Variants in STARD13 observed in about 807,000 individuals in gnomAD.
STARD13 encodes stAR-related lipid transfer protein 13.
In STARD13, 62 loss-of-function variants were observed where a neutral mutation model predicts 106.4. That is an observed-to-expected ratio of 0.58 (90% CI 0.48 to 0.72). STARD13 has a LOEUF of 0.72. Ranked by LOEUF, STARD13 falls within the 30% of genes least tolerant of loss-of-function variation. The pLI is 0.00. For missense variants in STARD13, 1,387 were observed against 1,424.0 expected (o/e 0.97, Z 0.42); for synonymous variants, 565 against 553.0 (o/e 1.02, Z -0.31).
intron 1 of STARD13, among the ~76,000 whole-genome samples, chr13:33,254,136 T>C (rs1486478995): frequency 1.3e-5 from 2 of 152,238 alleles, no homozygotes; most frequent in South Asian, 2.1e-4. Flanking sequence ...AGTGGGCTGG[T>C]TGGTCCCCAG....
the STARD13 span, among the ~76,000 whole-genome samples, chr13:33,616,562 G>A: frequency 3.3e-5 from 5 of 152,190 alleles, no homozygotes; most frequent in African/African-American, 7.2e-5. Flanking sequence ...CAGCCATGGT[G>A]GGGACAAGGC....
At chr13:33,447,626 A>G in the STARD13 span, among the ~76,000 whole-genome samples, 1 of 152,210 alleles carries the variant, frequency 6.6e-6, no homozygotes, top group African/African-American at 2.4e-5. Context: ...CATATGTCAT[A>G]TGACTTTTCA....
At position 33,331,581 on chromosome 13, in the gene STARD13, G is replaced by T. The variant is rs954444225; in HGVS notation, c.124+18709C>A. On this transcript the variant is annotated intron_variant, in intron 1 of 5. Transcript: ENST00000567873. ...AGGTTTCGCCATGTTGGTCAGGCTA[G>T]TCTCGAACTCCTGACCTTAGGTGGT... 1.6e-4 allele frequency among the ~76,000 whole-genome samples: 23 copies of T among 144,460 alleles called. 1 individual carries two copies. The highest frequency in any genetic ancestry group is 5.6e-4 in the African/African-American group (22 of 38,958). 94.8% of individuals were successfully genotyped at this position (144,460 alleles called of 152,430 possible). A position where few individuals can be genotyped will look rare whatever the true frequency, so the allele number is the denominator to read the frequency against.
the STARD13 span, among the ~76,000 whole-genome samples, chr13:33,542,450 A>T: frequency 6.6e-6 from 1 of 152,226 alleles, no homozygotes; most frequent in Admixed American, 6.5e-5. Context: ...AAAACCCATT[A>T]CGCCACCATT....
chr13:33,496,048 T>C, the STARD13 span, among the ~76,000 whole-genome samples: 1 of 141,746 alleles, frequency 7.1e-6, no homozygotes, highest in East Asian at 2.0e-4. Context: ...TTATGTATAG[T>C]TAATATAATT....
At chr13:33,527,949 C>T in the STARD13 span, among the ~76,000 whole-genome samples, 5,035 of 150,868 alleles carry the variant, frequency 0.033, 115 homozygotes, top group Non-Finnish European at 0.054. Flanking sequence ...TATCCAAAAG[C>T]CATAAGTAAT....
At chr13:33,369,804 C>A in the STARD13 span, among the ~76,000 whole-genome samples, 1 of 152,034 alleles carries the variant, frequency 6.6e-6, no homozygotes, top group Non-Finnish European at 1.5e-5. Context: ...AGAAAATCAC[C>A]GGGCTTGGCT....
the STARD13 span, among the ~76,000 whole-genome samples, chr13:33,403,366 A>G: frequency 6.6e-6 from 1 of 152,222 alleles, no homozygotes; most frequent in Non-Finnish European, 1.5e-5. Context: ...CTTAGGAACG[A>G]TTGTGTGGAG....
chr13:33,369,062 TAAAC>T, the STARD13 span, among the ~76,000 whole-genome samples: 6 of 146,530 alleles, frequency 4.1e-5, no homozygotes, highest in Non-Finnish European at 9.1e-5. Context: ...GAATTTCAAC[TAAAC>T]AAACAAATAA....
At chr13:33,278,171 G>A (rs927696459) in intron 1 of STARD13, among the ~76,000 whole-genome samples, 3 of 149,982 alleles carry the variant, frequency 2.0e-5, no homozygotes, top group African/African-American at 7.3e-5. Context: ...AAATATACCA[G>A]TTTAAACACA....
intron 1 of STARD13, among the ~76,000 whole-genome samples, chr13:33,177,090 G>C (rs562382992): frequency 1.3e-5 from 2 of 152,144 alleles, no homozygotes; most frequent in Non-Finnish European, 2.9e-5. Flanking sequence ...GGTCCAGGTG[G>C]CTACCTTGTC....
chr13:33,372,403 A>G, the STARD13 span, among the ~76,000 whole-genome samples: 2 of 152,042 alleles, frequency 1.3e-5, no homozygotes, highest in Non-Finnish European at 2.9e-5. Context: ...AATGTTTTGT[A>G]CCAAAAAATA....
the STARD13 span, among the ~76,000 whole-genome samples, chr13:33,662,392 A>G: frequency 9.1e-3 from 1,392 of 152,340 alleles, 23 homozygotes; most frequent in African/African-American, 0.032. Context: ...TTGTATAAAA[A>G]TGAAGTAAAA....
chr13:33,393,993 A>C, the STARD13 span, among the ~76,000 whole-genome samples: 72 of 152,364 alleles, frequency 4.7e-4, no homozygotes, highest in Middle Eastern at 3.4e-3. Flanking sequence ...CTCTCCTTGA[A>C]GGACATATAT....
chr13:33,540,380 T>G, the STARD13 span, among the ~76,000 whole-genome samples: 1 of 152,188 alleles, frequency 6.6e-6, no homozygotes, highest in Non-Finnish European at 1.5e-5. Flanking sequence ...GGAGACATTA[T>G]TAAGGAAAAT....
the STARD13 span, among the ~76,000 whole-genome samples, chr13:33,499,519 T>TTTCCTCTTCTTCTTC: frequency 1.1e-5 from 1 of 91,888 alleles, no homozygotes; most frequent in Non-Finnish European, 2.4e-5. Context: ...TTCTTCTTTC[T>TTTCCTCTTCTTCTTC]TTCTTCTTCT....
At chr13:33,335,566 C>T (rs900807815) in intron 1 of STARD13, among the ~76,000 whole-genome samples, 10 of 152,246 alleles carry the variant, frequency 6.6e-5, no homozygotes, top group African/African-American at 1.4e-4. Flanking sequence ...GCCTTGCACA[C>T]GCCACTTAAC....
At chr13:33,177,601 G>C (rs1884650805) in intron 1 of STARD13, among the ~76,000 whole-genome samples, 1 of 152,008 alleles carries the variant, frequency 6.6e-6, no homozygotes, top group Non-Finnish European at 1.5e-5. Context: ...AAACAAGAAG[G>C]CTGTCAAATG....
At chr13:33,618,466 A>C in the STARD13 span, among the ~76,000 whole-genome samples, 11 of 152,298 alleles carry the variant, frequency 7.2e-5, no homozygotes, top group African/African-American at 2.4e-4. Flanking sequence ...AAGACTTAAC[A>C]AATTTCTTCT....
Sources: allele counts gnomAD v4.1 joint callset (sites outside exome capture counted in the v4.1 genomes callset), GRCh38; gene constraint gnomAD v4.1.1; transcripts MANE v1.5; gene names NCBI Gene and HGNC (gene_info 2026-07-23, HGNC 2026-07-21).